DPP10: variants seen among roughly 807,000 people sequenced by gnomAD.
DPP10 encodes dipeptidyl peptidase like 10, also known as inactive dipeptidyl peptidase 10.
Under a neutral mutation model 120.9 loss-of-function variants are expected in DPP10, and 33 were observed. The observed-to-expected ratio is 0.27, with a 90% CI of 0.21 to 0.37. The LOEUF is 0.37. Among genes scored for constraint, DPP10 ranks in the 10% least tolerant of loss-of-function variants. The pLI is 1.00. For synonymous variants in DPP10, 337 were observed against 326.1 expected (o/e 1.03, Z -0.36); for missense variants, 816 against 942.8 (o/e 0.87, Z 1.76).
chr2:114,956,258 G>A (rs1698190962), intron 1 of DPP10, among the ~76,000 whole-genome samples: 1 of 151,740 alleles, frequency 6.6e-6, no homozygotes, highest in Admixed American at 6.6e-5. Flanking sequence ...GTATACAAAA[G>A]CAACATGTAA....
intron 19 of DPP10, among the ~76,000 whole-genome samples, chr2:115,795,820 T>C (rs189516737): frequency 1.3e-5 from 2 of 152,246 alleles, no homozygotes; most frequent in Admixed American, 1.3e-4. Context: ...AGCATCAAGC[T>C]TCAGACAAGT....
chr2:114,836,116 T>C (rs967391486), intron 1 of DPP10, among the ~76,000 whole-genome samples: 1 of 152,188 alleles, frequency 6.6e-6, no homozygotes, highest in African/African-American at 2.4e-5. Context: ...GGCAATTCCA[T>C]GCAAGGCCAC....
chr2:115,082,779 T>G (rs1708381415), intron 1 of DPP10, among the ~76,000 whole-genome samples: 1 of 152,294 alleles, frequency 6.6e-6, no homozygotes, highest in African/African-American at 2.4e-5. Flanking sequence ...GAGGAACCAG[T>G]GTGGCCCAGA....
intron 1 of DPP10, among the ~76,000 whole-genome samples, chr2:115,268,709 A>T (rs1320293256): frequency 2.0e-5 from 3 of 152,144 alleles, no homozygotes; most frequent in African/African-American, 7.2e-5. Flanking sequence ...TATGCTATGG[A>T]TATTTAAAAT....
At chr2:115,725,363 G>A (rs1178097847) in intron 7 of DPP10, among the ~76,000 whole-genome samples, 1 of 152,154 alleles carries the variant, frequency 6.6e-6, no homozygotes, top group Non-Finnish European at 1.5e-5. Flanking sequence ...GGATTAGGAT[G>A]TTAAAAATGC....
intron 1 of DPP10, among the ~76,000 whole-genome samples, chr2:115,158,994 A>G (rs1198666400): frequency 6.6e-6 from 1 of 150,402 alleles, no homozygotes; most frequent in Non-Finnish European, 1.5e-5. Context: ...TTTTTTTTTT[A>G]ATTTCTAAGT....
intron 7 of DPP10, among the ~76,000 whole-genome samples, chr2:115,723,035 T>C (rs2092684234): frequency 6.6e-6 from 1 of 152,158 alleles, no homozygotes; most frequent in Non-Finnish European, 1.5e-5. Flanking sequence ...TGCCAGAGGC[T>C]TCCGGTTTCT....
At chr2:115,133,956 T>G (rs1476384424) in intron 1 of DPP10, among the ~76,000 whole-genome samples, 1 of 152,196 alleles carries the variant, frequency 6.6e-6, no homozygotes, top group Non-Finnish European at 1.5e-5. Context: ...CTACAGGAAT[T>G]GCTTTGTCCC....
rs568283131 is a variant in DPP10 at position 115,484,311 on chromosome 2, C to G, written c.272-15199C>G. The stretch of plus-strand genomic sequence containing the variant: ...TAAACATAGTTATTATGAATGCACA[C>G]TCATTGTGTAATAGATCTGTGGTTT... On this transcript the variant is annotated intron_variant, in intron 3 of 25. Coordinates refer to ENST00000410059, the MANE Select transcript of DPP10 (RefSeq NM_020868.6). 1.1e-4 allele frequency among the ~76,000 whole-genome samples: 16 copies of G among 152,014 alleles called. No homozygotes were observed. In the South Asian group the frequency reaches 3.3e-3, roughly 32 times the overall value.
intron 11 of DPP10, 30 bp downstream of exon 11, chr2:115,753,327 T>C: frequency 6.4e-7 from 1 of 1,573,302 alleles, no homozygotes; most frequent in South Asian, 1.2e-5. Flanking sequence ...CTTTTATGCC[T>C]AAAATGAAGT....
At chr2:115,352,367 C>T (rs1019435719) in intron 3 of DPP10, among the ~76,000 whole-genome samples, 2 of 152,116 alleles carry the variant, frequency 1.3e-5, no homozygotes, top group African/African-American at 4.8e-5. Context: ...TCATATATTC[C>T]AGATGGAATC....
At chr2:114,799,760 C>A (rs1035476763) in intron 1 of DPP10, among the ~76,000 whole-genome samples, 1 of 151,964 alleles carries the variant, frequency 6.6e-6, no homozygotes, top group South Asian at 2.1e-4. Flanking sequence ...CTGAGAAATA[C>A]CTAAGAAGTA....
At chr2:114,954,238 C>A (rs1001804074) in intron 1 of DPP10, among the ~76,000 whole-genome samples, 1 of 151,610 alleles carries the variant, frequency 6.6e-6, no homozygotes, top group Admixed American at 6.6e-5. Context: ...CCGCCACCAC[C>A]CCCGGCTAAC....
intron 5 of DPP10, among the ~76,000 whole-genome samples, chr2:115,672,510 G>A (rs1324979263): frequency 6.6e-6 from 1 of 152,098 alleles, no homozygotes; most frequent in East Asian, 1.9e-4. Flanking sequence ...CCTACAGATA[G>A]CCTAAGAAAA....
intron 1 of DPP10, among the ~76,000 whole-genome samples, chr2:114,933,807 T>C (rs1178395528): frequency 2.0e-5 from 3 of 152,152 alleles, no homozygotes; most frequent in African/African-American, 7.2e-5. Flanking sequence ...GAATTTCTGA[T>C]TCAGTAGATC....
At position 114,850,847 on chromosome 2, in the gene DPP10, A is replaced by AT. The variant is rs961348272; in HGVS notation, c.60+408019dup. ...TACTGCATTTAGTCTTCAGAATATT[A>AT]TTTTTTTTTTCCTGCATGGTACCCA... On this transcript the variant is annotated intron_variant, in intron 1 of 25. Transcript: ENST00000410059. Among the ~76,000 whole-genome samples, 108 of 149,728 alleles carry AT rather than the reference A, an allele frequency of 7.2e-4. 2 individuals carry two copies. In the Middle Eastern group the frequency reaches 0.017, roughly 24 times the overall value.
In DPP10 at chr2:114,592,515, T is replaced by A. The variant is rs948455110; in HGVS notation, c.60+149677T>A. On this transcript the variant is annotated intron_variant, in intron 1 of 25. Coordinates refer to ENST00000410059, the MANE Select transcript of DPP10 (RefSeq NM_020868.6). ...TCTTTAGTGTTAATAGAGCTATGTT[T>A]CCCAGTTTTGGGATTTCATGAGGAA... 5.9e-5 allele frequency among the ~76,000 whole-genome samples: 9 copies of A among 152,298 alleles called. No homozygotes were observed. The South Asian group carries it at 1.0e-3, about 18-fold the overall frequency.
intron 1 of DPP10, 89 bp downstream of exon 1, chr2:114,442,927 G>A: frequency 1.3e-6 from 2 of 1,493,646 alleles, no homozygotes; most frequent in South Asian, 1.2e-5. Context: ...GGTACTGACA[G>A]TGGACATACC....
chr2:114,754,950 T>C (rs1317934530), intron 1 of DPP10, among the ~76,000 whole-genome samples: 1 of 152,212 alleles, frequency 6.6e-6, no homozygotes, highest in Non-Finnish European at 1.5e-5. Flanking sequence ...ATATAAATGG[T>C]TAACTTTTAG....
Sources: allele counts gnomAD v4.1 joint callset (sites outside exome capture counted in the v4.1 genomes callset), GRCh38; gene constraint gnomAD v4.1.1; transcripts MANE v1.5; gene names NCBI Gene and HGNC (gene_info 2026-07-23, HGNC 2026-07-21).